Variants in UNC13C observed in about 807,000 individuals in gnomAD.
UNC13C encodes unc-13 homolog C, also known as protein unc-13 homolog C.
Under a neutral mutation model 245.4 loss-of-function variants are expected in UNC13C, and 174 were observed. The observed-to-expected ratio is 0.71, with a 90% CI of 0.63 to 0.80. The LOEUF (loss-of-function observed/expected upper bound fraction) is 0.80, where lower values mean the gene tolerates loss of function less well. Ranked by LOEUF, UNC13C falls within the 30% of genes least tolerant of loss-of-function variation. The probability of loss-of-function intolerance (pLI) is 0.00; values close to 1 mark genes in which losing one functional copy is unlikely to be tolerated. For missense variants in UNC13C, 2,829 were observed against 2,602.9 expected (o/e 1.09, Z -1.89); for synonymous variants, 992 against 895.1 (o/e 1.11, Z -1.93).
the UNC13C span, among the ~76,000 whole-genome samples, chr15:53,901,604 A>G: frequency 6.6e-6 from 1 of 152,020 alleles, no homozygotes; most frequent in Admixed American, 6.6e-5. Flanking sequence ...TGCTTCCAGG[A>G]TTTTTCCTTA....
intron 1 of UNC13C, among the ~76,000 whole-genome samples, chr15:53,987,216 G>A (rs988071594): frequency 1.3e-5 from 2 of 151,952 alleles, no homozygotes; most frequent in Non-Finnish European, 2.9e-5. Context: ...GCATTTCTTG[G>A]TTGGTTAAAT....
chr15:54,562,996 T>C (rs1470523118), intron 29 of UNC13C, among the ~76,000 whole-genome samples: 2 of 152,062 alleles, frequency 1.3e-5, no homozygotes, highest in African/African-American at 4.8e-5. Flanking sequence ...TATGAAATCA[T>C]GTTGAATTTG....
chr15:54,079,870 A>T (rs996434141), intron 2 of UNC13C, among the ~76,000 whole-genome samples: 1 of 151,986 alleles, frequency 6.6e-6, no homozygotes, highest in African/African-American at 2.4e-5. Flanking sequence ...GTTAGAGTAG[A>T]CATCCTTGTC....
At chr15:54,461,186 T>C (rs1460817488) in intron 19 of UNC13C, among the ~76,000 whole-genome samples, 1 of 152,152 alleles carries the variant, frequency 6.6e-6, no homozygotes, top group Non-Finnish European at 1.5e-5. Flanking sequence ...TGTAAAGATT[T>C]ATTATAGGTT....
At chr15:53,851,061 A>T in the UNC13C span, among the ~76,000 whole-genome samples, 1 of 151,788 alleles carries the variant, frequency 6.6e-6, no homozygotes, top group African/African-American at 2.4e-5. Context: ...TATTTCTCTT[A>T]TTATTTAAAT....
At chr15:54,372,292 A>T (rs2039503553) in intron 17 of UNC13C, among the ~76,000 whole-genome samples, 1 of 152,124 alleles carries the variant, frequency 6.6e-6, no homozygotes, top group South Asian at 2.1e-4. Flanking sequence ...TTTATCTTAT[A>T]CTTGTTTTCT....
intron 2 of UNC13C, among the ~76,000 whole-genome samples, chr15:54,051,766 T>C (rs1276891863): frequency 6.6e-6 from 1 of 151,956 alleles, no homozygotes; most frequent in African/African-American, 2.4e-5. Context: ...TTCTTTCTTT[T>C]TTTTTTTATT....
At chr15:54,084,758 A>C (rs1899144190) in intron 2 of UNC13C, among the ~76,000 whole-genome samples, 1 of 152,232 alleles carries the variant, frequency 6.6e-6, no homozygotes, top group Admixed American at 6.5e-5. Flanking sequence ...GAAAAAAATT[A>C]TCTTCTCTGT....
At chr15:54,547,656 T>A (rs1434490131) in intron 27 of UNC13C, among the ~76,000 whole-genome samples, 5 of 152,240 alleles carry the variant, frequency 3.3e-5, no homozygotes, top group Non-Finnish European at 5.9e-5. Context: ...TGTTCCGAGA[T>A]GCAAATATGC....
At chr15:54,348,190 G>A (rs540978785) in intron 17 of UNC13C, among the ~76,000 whole-genome samples, 316 of 152,152 alleles carry the variant, frequency 2.1e-3, no homozygotes, top group Non-Finnish European at 3.4e-3. Flanking sequence ...TACAGATAAG[G>A]CTGCAATGAA....
chr15:53,869,660 T>C, the UNC13C span, among the ~76,000 whole-genome samples: 1 of 152,210 alleles, frequency 6.6e-6, no homozygotes, highest in Non-Finnish European at 1.5e-5. Context: ...ATTCTGCCTG[T>C]CAGTCTGGCT....
At chr15:54,457,892 G>GTTTT (rs34133938) in intron 19 of UNC13C, among the ~76,000 whole-genome samples, 14 of 122,990 alleles carry the variant, frequency 1.1e-4, no homozygotes, top group African/African-American at 4.1e-4. Context: ...TCTGCTTTTC[G>GTTTT]TTTTTTTTTT....
the UNC13C span, among the ~76,000 whole-genome samples, chr15:53,839,656 A>G: frequency 4.0e-5 from 6 of 151,894 alleles, no homozygotes; most frequent in Non-Finnish European, 8.8e-5. Context: ...GTTCACCTAC[A>G]TTTATTATGC....
intron 19 of UNC13C, among the ~76,000 whole-genome samples, chr15:54,417,915 T>TTATG (rs1215132766): frequency 1.1e-4 from 16 of 151,336 alleles, no homozygotes; most frequent in Non-Finnish European, 2.4e-4. Flanking sequence ...CCTATATGTT[T>TTATG]TATGTATGTT....
At chr15:54,423,267 A>T (rs1024763698) in intron 19 of UNC13C, among the ~76,000 whole-genome samples, 43 of 151,896 alleles carry the variant, frequency 2.8e-4, no homozygotes, top group African/African-American at 1.0e-3. Context: ...TAGAGTATGA[A>T]ACTTTGTAAT....
chr15:54,056,582 A>G (rs1235731717), intron 2 of UNC13C, among the ~76,000 whole-genome samples: 7 of 152,194 alleles, frequency 4.6e-5, no homozygotes, highest in African/African-American at 1.7e-4. Flanking sequence ...AAGGCAGGCC[A>G]ACATTCAAAT....
rs1459914073 is a variant in UNC13C at position 54,015,875 on chromosome 15, T to A, written c.2972T>A (p.Ile991Asn). 2 of 1,586,304 alleles carry A rather than the reference T, an allele frequency of 1.3e-6. No individual in the cohort carries two copies. Among genetic ancestry groups the A allele is most frequent in the Admixed American group, 1.9e-5 (1 of 54,026 alleles). ...KKQMAELEEKILAGDSSSVDE... is the reference protein window; with the variant it reads ...KKQMAELEEKNLAGDSSSVDE... ...CAAATGGCAGAGTTGGAAGAGAAGA[T>A]CTTGGCTGGAGGTATTCATGTTTAA... The change falls in exon 2 of 33, where the codon ATC becomes AAC. Residue 991 changes from isoleucine to asparagine, a missense_variant. By Grantham distance (149) the Ile-to-Asn change is moderately radical. Transcript: ENST00000260323.
At chr15:54,297,771 T>C (rs759874327) in intron 11 of UNC13C, 40 bp from the exon 12 acceptor site, 1 of 1,416,428 alleles carries the variant, frequency 7.1e-7, no homozygotes, top group Non-Finnish European at 9.8e-7. Context: ...AAAACATTAT[T>C]GTCAGACATG....
At chr15:54,613,793 G>T (rs1054617483) in intron 30 of UNC13C, among the ~76,000 whole-genome samples, 1 of 151,664 alleles carries the variant, frequency 6.6e-6, no homozygotes, top group Non-Finnish European at 1.5e-5. Flanking sequence ...TTTTCTAATT[G>T]TGTCACTGTG....
Sources: gnomAD v4.1 joint callset for allele counts (sites outside exome capture counted in the v4.1 genomes callset) on GRCh38, gnomAD v4.1.1 for gene constraint, MANE v1.5 for transcripts, NCBI Gene and HGNC (gene_info 2026-07-23, HGNC 2026-07-21) for gene names.